Variants in NAALADL2 observed in about 807,000 individuals in gnomAD.
The protein encoded by NAALADL2 is inactive N-acetylated-alpha-linked acidic dipeptidase-like protein 2.
A neutral mutation model predicts 87.2 loss-of-function variants in NAALADL2; 76 were observed. That is an observed-to-expected ratio of 0.87 (90% confidence interval 0.72 to 1.05). NAALADL2 has a LOEUF of 1.05. Ranked by LOEUF, NAALADL2 falls within the 50% of genes least tolerant of loss-of-function variation. NAALADL2 has a pLI of 0.00. For synonymous variants in NAALADL2, 354 were observed against 331.0 expected, an observed-to-expected ratio of 1.07 and a Z score of -0.75; for missense variants, 1,089 against 945.8, an observed-to-expected ratio of 1.15 and a Z score of -1.99.
At chr3:174,635,504 TG>T (rs1722544184) in intron 2 of NAALADL2, among the ~76,000 whole-genome samples, 3 of 100,098 alleles carry the variant, frequency 3.0e-5, no homozygotes, top group East Asian at 4.2e-4. Flanking sequence ...GTGGTGGTTG[TG>T]GTTTTTTTTT....
intron 2 of NAALADL2, among the ~76,000 whole-genome samples, chr3:174,616,363 A>G (rs1163356002): frequency 6.6e-6 from 1 of 151,932 alleles, no homozygotes; most frequent in Non-Finnish European, 1.5e-5. Context: ...GAAACATTAT[A>G]CCTTATTGTA....
intron 3 of NAALADL2, among the ~76,000 whole-genome samples, chr3:174,787,600 T>TATATATATATATATATATACACAC (rs1716914237): frequency 5.8e-5 from 4 of 68,460 alleles, no homozygotes; most frequent in African/African-American, 1.7e-4. Flanking sequence ...TATATATATA[T>TATATATATATATATATATACACAC]ATATATATAT....
At chr3:175,769,214 A>G (rs571669680) in intron 13 of NAALADL2, among the ~76,000 whole-genome samples, 1 of 152,350 alleles carries the variant, frequency 6.6e-6, no homozygotes, top group South Asian at 2.1e-4. Context: ...TACCATAGGC[A>G]GAACTGTACC....
At chr3:174,725,988 ATC>A (rs1249785736) in intron 2 of NAALADL2, among the ~76,000 whole-genome samples, 1 of 152,130 alleles carries the variant, frequency 6.6e-6, no homozygotes, top group Non-Finnish European at 1.5e-5. Context: ...ATTCTTAAAT[ATC>A]TCTGTTTCTA....
chr3:175,667,153 GAGAA>G (rs1560942268), intron 11 of NAALADL2, among the ~76,000 whole-genome samples: 1 of 131,106 alleles, frequency 7.6e-6, no homozygotes, highest in Non-Finnish European at 1.6e-5. Flanking sequence ...GAGAGAGAGA[GAGAA>G]AGAAAAAGAA....
rs769245666 is a variant in NAALADL2, at chr3:175,399,872, C to A, written c.1091-47357C>A. ...TGACGTTTATGTCTTGCCCACTTTC[C>A]TTTTGGTGTATCTGTTCATTTTCCT... is the stretch of plus-strand genomic sequence containing the variant. On this transcript the variant is annotated intron_variant, in intron 5 of 13. Transcript: ENST00000454872. Among the ~76,000 whole-genome samples the A allele has an allele frequency of 3.7e-4, 57 of 152,168 alleles. 1 individual carries two copies. The highest frequency in any genetic ancestry group is 6.8e-3 in the Middle Eastern group (2 of 294).
chr3:174,615,018 T>C (rs628737), intron 2 of NAALADL2, among the ~76,000 whole-genome samples: 98,651 of 152,048 alleles, frequency 0.65, 33,191 homozygotes, highest in East Asian at 0.87. Flanking sequence ...TAGTGCTTTG[T>C]AACAGTGCAT....
At chr3:174,952,408 T>A (rs1184544861) in intron 1 of NAALADL2, among the ~76,000 whole-genome samples, 3 of 152,094 alleles carry the variant, frequency 2.0e-5, no homozygotes, top group Non-Finnish European at 4.4e-5. Context: ...TTTCCCCACT[T>A]TAGACAGGAT....
At chr3:175,144,121 T>C (rs1430919275) in intron 2 of NAALADL2, among the ~76,000 whole-genome samples, 1 of 151,964 alleles carries the variant, frequency 6.6e-6, no homozygotes, top group Non-Finnish European at 1.5e-5. Context: ...TCTGTTTCAT[T>C]TCCTCTTGAG....
intron 2 of NAALADL2, among the ~76,000 whole-genome samples, chr3:175,198,757 T>C (rs1739376973): frequency 6.6e-6 from 1 of 150,950 alleles, no homozygotes; most frequent in African/African-American, 2.4e-5. Context: ...GCTAAAGTAC[T>C]TTGCAGATTT....
chr3:175,442,127 T>C (rs544704681), intron 5 of NAALADL2, among the ~76,000 whole-genome samples: 2 of 152,130 alleles, frequency 1.3e-5, no homozygotes, highest in African/African-American at 4.8e-5. Flanking sequence ...GTAATTTCAG[T>C]AGAGATGGGG....
rs114382101 is a variant in NAALADL2 at position 174,760,270 on chromosome 3, C to T, written c.-9+22524C>T. Among the ~76,000 whole-genome samples the T allele has an allele frequency of 8.4e-3, 1,284 of 152,288 alleles. 3 individuals are homozygous for T. Among genetic ancestry groups the T allele is most frequent in the African/African-American group, 0.018 (757 of 41,562 alleles). On this transcript the variant is annotated intron_variant, in intron 3 of 3. Transcript: ENST00000434257. The stretch of plus-strand genomic sequence containing the variant: ...TTCATGGCACCACACTGCCATCATT[C>T]CTCTACTTGTTTGCAAAGAAACCTT...
chr3:174,498,362 A>G (rs1048562693), intron 1 of NAALADL2, among the ~76,000 whole-genome samples: 1 of 151,934 alleles, frequency 6.6e-6, no homozygotes, highest in African/African-American at 2.4e-5. Context: ...TTAATCATTT[A>G]TGTTTAAAAA....
rs186216821 is a variant in NAALADL2 at position 174,441,709 on chromosome 3, T to C, written c.-184+677T>C. 5.0e-3 allele frequency among the ~76,000 whole-genome samples: 739 copies of C among 147,056 alleles called. 4 individuals are homozygous for C. Among genetic ancestry groups the C allele is most frequent in the African/African-American group, 0.018 (710 of 39,504 alleles). ...GCTTCATAGCTCGTCCTCCCTATTTTCCCCCACATTCTTTGCTTTTTTTTT... is the reference window on the plus strand; with the variant it reads ...GCTTCATAGCTCGTCCTCCCTATTTCCCCCCACATTCTTTGCTTTTTTTTT... On this transcript the variant is annotated intron_variant, in intron 1 of 3. Coordinates refer to the NAALADL2 transcript ENST00000434257.
chr3:174,838,812 A>T (rs2109409741), intron 3 of NAALADL2, among the ~76,000 whole-genome samples: 1 of 152,288 alleles, frequency 6.6e-6, no homozygotes, highest in East Asian at 1.9e-4. Context: ...ACCTCTACAA[A>T]GGATACTACA....
At chr3:175,482,041 G>A (rs1726549210) in intron 9 of NAALADL2, among the ~76,000 whole-genome samples, 1 of 146,764 alleles carries the variant, frequency 6.8e-6, no homozygotes, top group Non-Finnish European at 1.5e-5. Flanking sequence ...ATTGCACTGA[G>A]GCGAAGCTTA....
chr3:174,485,272 T>G (rs766096316), intron 1 of NAALADL2, among the ~76,000 whole-genome samples: 4 of 151,978 alleles, frequency 2.6e-5, no homozygotes, highest in Non-Finnish European at 5.9e-5. Flanking sequence ...AGGATGTGCA[T>G]AGGTTCTATG....
chr3:175,337,054 G>A (rs1762054171), intron 5 of NAALADL2, among the ~76,000 whole-genome samples: 1 of 151,048 alleles, frequency 6.6e-6, no homozygotes, highest in South Asian at 2.1e-4. Context: ...ACACACTTAA[G>A]TTGTTACCAT....
intron 1 of NAALADL2, among the ~76,000 whole-genome samples, chr3:174,480,844 C>T (rs1717502412): frequency 1.3e-5 from 2 of 151,836 alleles, no homozygotes; most frequent in African/African-American, 4.8e-5. Context: ...AAGTAGATGC[C>T]CATTATTTGA....
Sources: allele counts gnomAD v4.1 joint callset (sites outside exome capture counted in the v4.1 genomes callset), GRCh38; gene constraint gnomAD v4.1.1; transcripts MANE v1.5; gene names NCBI Gene and HGNC (gene_info 2026-07-23, HGNC 2026-07-21).